Variants in CSMD2 observed in about 807,000 individuals in gnomAD.
CSMD2 encodes the protein CUB and Sushi multiple domains 2, also known as CUB and sushi domain-containing protein 2.
Under a neutral mutation model 398.5 loss-of-function variants are expected in CSMD2, and 130 were observed. The observed-to-expected ratio is 0.33, with a 90% CI of 0.28 to 0.38. The LOEUF is 0.38. Ranked by LOEUF, CSMD2 falls within the 10% of genes least tolerant of loss-of-function variation. CSMD2 has a pLI of 1.00. For synonymous variants in CSMD2, 1,828 were observed against 1,908.5 expected (o/e 0.96, Z 1.10); for missense variants, 3,829 against 4,764.9 (o/e 0.80, Z 5.78).
chr1:34,089,556 T>C (rs1658315517), intron 1 of CSMD2, among the ~76,000 whole-genome samples: 1 of 152,164 alleles, frequency 6.6e-6, no homozygotes, highest in Non-Finnish European at 1.5e-5. Flanking sequence ...ACCTTCTCCA[T>C]TGTCTGCAAC....
At chr1:33,789,042 G>A (rs144441727) in intron 11 of CSMD2, among the ~76,000 whole-genome samples, 2 of 152,148 alleles carry the variant, frequency 1.3e-5, no homozygotes, top group African/African-American at 4.8e-5. Flanking sequence ...CAATCAAGAG[G>A]GTGTCTACAT....
chr1:33,946,730 T>C (rs1425080656), intron 3 of CSMD2, among the ~76,000 whole-genome samples: 4 of 151,758 alleles, frequency 2.6e-5, no homozygotes, highest in Non-Finnish European at 5.9e-5. Flanking sequence ...GCGAGTCTCC[T>C]GCCTCAGCCT....
intron 48 of CSMD2, among the ~76,000 whole-genome samples, chr1:33,580,524 T>C (rs749013518): frequency 6.6e-5 from 10 of 152,210 alleles, no homozygotes; most frequent in African/African-American, 1.9e-4. Context: ...TATCAGATCA[T>C]ATAAAATTGT....
At chr1:33,623,507 C>T (rs374794434) in intron 35 of CSMD2, 41 bp from the exon 36 acceptor site, 5 of 1,415,408 alleles carry the variant, frequency 3.5e-6, no homozygotes, top group Middle Eastern at 1.8e-4. Flanking sequence ...AGGCAGCCTG[C>T]GTCCCTCCCT....
intron 1 of CSMD2, among the ~76,000 whole-genome samples, chr1:34,128,046 A>G (rs1571207060): frequency 1.3e-5 from 2 of 152,228 alleles, no homozygotes; most frequent in East Asian, 1.9e-4. Flanking sequence ...CCTTGTGGGA[A>G]GTGGCCTCTT....
intron 12 of CSMD2, among the ~76,000 whole-genome samples, chr1:33,783,272 C>T (rs952043944): frequency 8.5e-5 from 13 of 152,152 alleles, no homozygotes; most frequent in African/African-American, 2.9e-4. Context: ...CCCCCAACTC[C>T]CCCAAATTCC....
At chr1:34,002,446 G>A (rs950209301) in intron 3 of CSMD2, among the ~76,000 whole-genome samples, 4 of 152,144 alleles carry the variant, frequency 2.6e-5, no homozygotes, top group African/African-American at 9.7e-5. Context: ...TACTCTCCTG[G>A]TGCCTCAGTT....
intron 42 of CSMD2, 150 bp downstream of exon 42, chr1:33,605,132 C>T (rs1640500888): frequency 1.3e-6 from 1 of 753,576 alleles, no homozygotes; most frequent in African/African-American, 1.8e-5. Flanking sequence ...GAGGCTGGGC[C>T]ACACCATGTG....
chr1:33,974,207 A>G (rs1290080629), intron 3 of CSMD2, among the ~76,000 whole-genome samples: 1 of 152,238 alleles, frequency 6.6e-6, no homozygotes, highest in Non-Finnish European at 1.5e-5. Flanking sequence ...AGGCTCAAAT[A>G]CACAATGCAG....
chr1:34,000,342 C>T (rs945227291), intron 3 of CSMD2, among the ~76,000 whole-genome samples: 2 of 151,960 alleles, frequency 1.3e-5, no homozygotes, highest in African/African-American at 4.8e-5. Flanking sequence ...GCCTTTTCAC[C>T]CGAATGATGG....
chr1:33,960,263 C>A (rs1473914130), intron 3 of CSMD2, among the ~76,000 whole-genome samples: 1 of 152,206 alleles, frequency 6.6e-6, no homozygotes, highest in African/African-American at 2.4e-5. Context: ...CCTCAGACCA[C>A]CTCCTCTGTG....
chr1:33,799,946 G>A (rs112614443), intron 10 of CSMD2, among the ~76,000 whole-genome samples: 4,415 of 152,294 alleles, frequency 0.029, 202 homozygotes, highest in African/African-American at 0.1. Context: ...GTTTGTCACC[G>A]CAGAAGAGTT....
chr1:33,988,551 T>G (rs1646438433), intron 3 of CSMD2, among the ~76,000 whole-genome samples: 1 of 152,232 alleles, frequency 6.6e-6, no homozygotes, highest in Admixed American at 6.5e-5. Flanking sequence ...GTTATCTTTC[T>G]AGGGCCAGGT....
intron 3 of CSMD2, among the ~76,000 whole-genome samples, chr1:33,982,860 T>G (rs1558198433): frequency 6.6e-6 from 1 of 152,144 alleles, no homozygotes; most frequent in African/African-American, 2.4e-5. Context: ...GAAGGCTTTG[T>G]ACATCCAAGA....
In CSMD2 at chr1:33,519,328, T is replaced by C. The variant is rs1654033990; in HGVS notation, c.*53+137A>G. 1 of 603,738 alleles carries C rather than the reference T, an allele frequency of 1.7e-6. No homozygotes were observed. Among genetic ancestry groups the C allele is most frequent in the Non-Finnish European group, 2.9e-6 (1 of 340,486 alleles). 37.4% of individuals were successfully genotyped at this position (603,738 alleles called of 1,614,324 possible). A position where few individuals can be genotyped will look rare whatever the true frequency, so the allele number is the denominator to read the frequency against. ...GCCTGGTTCAGTGCCTGTTACACAA[T>C]GATGCTCAATGCACAGCTCTCCTCT... On this transcript the variant is annotated intron_variant, in intron 70 of 70. Coordinates refer to ENST00000373381, the MANE Select transcript of CSMD2 (RefSeq NM_001281956.2). The surrounding 1 kb of genome is among the most constrained non-coding windows in gnomAD (Gnocchi z 5.6).
chr1:34,013,772 C>T (rs946623261), intron 3 of CSMD2, among the ~76,000 whole-genome samples: 10 of 152,184 alleles, frequency 6.6e-5, no homozygotes, highest in African/African-American at 2.4e-4. Context: ...TCCCTCTTTT[C>T]TGTCTCTGCT....
intron 13 of CSMD2, among the ~76,000 whole-genome samples, chr1:33,744,191 G>T (rs971245709): frequency 6.6e-6 from 1 of 152,158 alleles, no homozygotes; most frequent in African/African-American, 2.4e-5. Context: ...CCTCTCAGCT[G>T]GGTTTACAGC....
chr1:33,894,645 T>C (rs1285442946), intron 5 of CSMD2, among the ~76,000 whole-genome samples: 1 of 152,310 alleles, frequency 6.6e-6, no homozygotes, highest in African/African-American at 2.4e-5. Flanking sequence ...TTCCCTGTAT[T>C]ATGTCCCTCT....
intron 5 of CSMD2, among the ~76,000 whole-genome samples, chr1:33,896,258 G>C (rs752341541): frequency 1.1e-4 from 16 of 152,080 alleles, no homozygotes; most frequent in Non-Finnish European, 1.8e-4. Context: ...GGAGTAGCGA[G>C]GGGGAGAGGA....
Sources: allele counts gnomAD v4.1 joint callset (sites outside exome capture counted in the v4.1 genomes callset), GRCh38; gene constraint gnomAD v4.1.1; non-coding constraint Gnocchi (gnomAD v3.1); transcripts MANE v1.5; gene names NCBI Gene and HGNC (gene_info 2026-07-23, HGNC 2026-07-21).